Variants in BACH2 observed in about 807,000 individuals in gnomAD.
BACH2 encodes BACH transcriptional regulator 2.
In BACH2, 5 loss-of-function variants were observed where a neutral mutation model predicts 61.8. That is an observed-to-expected ratio of 0.08 (90% CI 0.04 to 0.17). The LOEUF (loss-of-function observed/expected upper bound fraction) is 0.17, where lower values mean the gene tolerates loss of function less well. Ranked by LOEUF, BACH2 falls within the 10% of genes least tolerant of loss-of-function variation. The pLI is 1.00. For missense variants in BACH2, 824 were observed against 1,091.1 expected (o/e 0.76, Z 3.45); for synonymous variants, 446 against 440.1 (o/e 1.01, Z -0.17).
intron 2 of BACH2, among the ~76,000 whole-genome samples, chr6:90,265,438 A>G (rs1438916803): frequency 6.6e-6 from 1 of 152,262 alleles, no homozygotes; most frequent in Non-Finnish European, 1.5e-5. Context: ...ACACTTTGAT[A>G]TAAAAGTAAC....
At chr6:90,240,151 T>TA (rs1770396874) in intron 3 of BACH2, among the ~76,000 whole-genome samples, 1 of 152,170 alleles carries the variant, frequency 6.6e-6, no homozygotes, top group South Asian at 2.1e-4. Flanking sequence ...TTTGTACTAG[T>TA]CATCTACTAG....
intron 6 of BACH2, among the ~76,000 whole-genome samples, chr6:89,982,046 C>T (rs1215584586): frequency 6.6e-6 from 1 of 151,858 alleles, no homozygotes; most frequent in African/African-American, 2.4e-5. Flanking sequence ...CCACTGCTCA[C>T]TGCAGCCTTT....
At position 89,950,764 on chromosome 6, in the gene BACH2, A is replaced by G. The variant is rs774006200; in HGVS notation, c.1342T>C (p.Tyr448His). The change falls in exon 7 of 9, where the codon TAT becomes CAT. Residue 448 changes from tyrosine (Y) to histidine (H), a missense_variant. Tyr to His is a moderately conservative substitution (Grantham distance 83, BLOSUM62 2). Around this residue, in one of 8 missense-constraint regions of BACH2, gnomAD observed 102 missense variants for 98.1 expected, o/e 1.04. Transcript: ENST00000257749. The surrounding 1 kb of genome is among the most constrained non-coding windows in gnomAD (Gnocchi z 5.3). ...CDQVSTSVHS[Y>H]SGVSSLDKDL... Reference sequence around the variant, plus strand: ...TTGTCCAAACTGCTCACCCCAGAATAAGAATGCACCGAGGTGCTCACTTGG... The same window carrying G: ...TTGTCCAAACTGCTCACCCCAGAATGAGAATGCACCGAGGTGCTCACTTGG... 2.5e-6 allele frequency: 4 copies of G among 1,614,084 alleles called. No homozygotes were observed. Among genetic ancestry groups the G allele is most frequent in the Non-Finnish European group, 2.5e-6 (3 of 1,180,008 alleles).
At chr6:90,027,601 GAC>G (rs1476442821) in intron 5 of BACH2, among the ~76,000 whole-genome samples, 2 of 152,168 alleles carry the variant, frequency 1.3e-5, no homozygotes, top group African/African-American at 2.4e-5. Context: ...GTACCGGAGA[GAC>G]ACAGTGTTTC....
chr6:90,296,298 T>C (rs1772383029), intron 1 of BACH2, among the ~76,000 whole-genome samples, 182 bp downstream of exon 1: 1 of 151,366 alleles, frequency 6.6e-6, no homozygotes, highest in African/African-American at 2.4e-5. Flanking sequence ...TTCCCGTTCC[T>C]AGAAAATGCC....
intron 3 of BACH2, among the ~76,000 whole-genome samples, chr6:90,245,603 A>G (rs1181410429): frequency 1.3e-5 from 2 of 152,210 alleles, no homozygotes; most frequent in Non-Finnish European, 2.9e-5. Flanking sequence ...GAGTAAGCAG[A>G]CATTTCTAAA....
rs564015269 is a variant in BACH2 at position 90,194,436 on chromosome 6, T to C, written c.-162+12133A>G. ...CCGAGCTGGCAGCTGGCTTCTCATG[T>C]TTATAGAAAAGCTAGGATGATTCAG... is the stretch of plus-strand genomic sequence containing the variant. On this transcript the variant is annotated intron_variant, in intron 4 of 8. Coordinates refer to ENST00000257749, the MANE Select transcript of BACH2 (RefSeq NM_021813.4). 2.6e-5 allele frequency among the ~76,000 whole-genome samples: 4 copies of C among 152,238 alleles called. No homozygotes were observed. The East Asian group carries it at 7.7e-4, about 29-fold the overall frequency.
chr6:90,277,445 T>C (rs1771729275), intron 1 of BACH2, among the ~76,000 whole-genome samples: 1 of 152,114 alleles, frequency 6.6e-6, no homozygotes, highest in African/African-American at 2.4e-5. Flanking sequence ...GCAAAGCAAA[T>C]CTATGCTTTC....
intron 1 of BACH2, among the ~76,000 whole-genome samples, chr6:90,274,957 G>A (rs1771645390): frequency 6.6e-6 from 1 of 152,208 alleles, no homozygotes; most frequent in Non-Finnish European, 1.5e-5. Flanking sequence ...AGTGTTCAAT[G>A]ACAAATGGAA....
At chr6:90,296,180 A>T (rs1772371963) in intron 1 of BACH2, among the ~76,000 whole-genome samples, 1 of 151,852 alleles carries the variant, frequency 6.6e-6, no homozygotes, top group African/African-American at 2.4e-5. Context: ...GCTGTTCCAA[A>T]ACACCCTTCG....
At chr6:90,137,573 C>G (rs1784314555) in intron 4 of BACH2, among the ~76,000 whole-genome samples, 2 of 152,186 alleles carry the variant, frequency 1.3e-5, no homozygotes, top group Admixed American at 1.3e-4. Flanking sequence ...TACTACTTGC[C>G]ACACTTTTGA....
intron 3 of BACH2, among the ~76,000 whole-genome samples, chr6:90,229,323 A>AC (rs1770017702): frequency 6.6e-6 from 1 of 152,128 alleles, no homozygotes; most frequent in Admixed American, 6.5e-5. Context: ...AGCCGGGTGC[A>AC]GTGGCCAGCG....
At chr6:90,236,688 C>A (rs937365429) in intron 3 of BACH2, among the ~76,000 whole-genome samples, 2 of 151,960 alleles carry the variant, frequency 1.3e-5, no homozygotes, top group African/African-American at 4.8e-5. Flanking sequence ...GAACACAGGG[C>A]AATAGATGAG....
At chr6:90,220,275 G>A (rs1054792830) in intron 3 of BACH2, among the ~76,000 whole-genome samples, 4 of 152,094 alleles carry the variant, frequency 2.6e-5, no homozygotes, top group Non-Finnish European at 5.9e-5. Context: ...TTTTCTTCCT[G>A]TCCCCCTAAG....
intron 4 of BACH2, among the ~76,000 whole-genome samples, chr6:90,160,372 G>A: frequency 6.6e-6 from 1 of 152,152 alleles, no homozygotes; most frequent in East Asian, 1.9e-4. Flanking sequence ...CATGTGAGCT[G>A]GATCCTGTGA....
chr6:90,050,005 AAAC>A (rs1279599878), intron 5 of BACH2, among the ~76,000 whole-genome samples: 2 of 152,234 alleles, frequency 1.3e-5, no homozygotes, highest in Non-Finnish European at 2.9e-5. Context: ...ACTTCAAGGA[AAAC>A]AACTGACAGT....
chr6:89,993,857 G>C (rs1406190855), intron 6 of BACH2, among the ~76,000 whole-genome samples: 4 of 151,400 alleles, frequency 2.6e-5, no homozygotes, highest in Admixed American at 1.3e-4. Flanking sequence ...AACTGGCTCA[G>C]AAGGTAAATG....
At chr6:90,030,151 C>T (rs1339763028) in intron 5 of BACH2, among the ~76,000 whole-genome samples, 1 of 152,166 alleles carries the variant, frequency 6.6e-6, no homozygotes, top group African/African-American at 2.4e-5. Context: ...TAAGAGATGG[C>T]TCTGATCCCA....
Position 90,225,397 on chromosome 6 carries a change from T to C in BACH2, c.-274-18716A>G, listed in dbSNP as rs145291338. Among the ~76,000 whole-genome samples, 9 of 152,086 alleles carry C rather than the reference T, an allele frequency of 5.9e-5. No individual in the cohort carries two copies. In the East Asian group the frequency reaches 1.7e-3, roughly 29 times the overall value. ...AGTGATACCCTGTTTTTTAAAAAAA[T>C]ACAGACAAAATTCCCTATCTTTGTG... On this transcript the variant is annotated intron_variant, in intron 3 of 8. Transcript: ENST00000257749.
Sources: allele counts gnomAD v4.1 joint callset (sites outside exome capture counted in the v4.1 genomes callset), GRCh38; gene constraint gnomAD v4.1.1; regional missense constraint gnomAD v4.1.1; non-coding constraint Gnocchi (gnomAD v3.1); transcripts MANE v1.5; gene names NCBI Gene and HGNC (gene_info 2026-07-23, HGNC 2026-07-21).